The following PGR variants were observed in gnomAD, a reference collection of about 807,000 sequenced individuals.
PGR encodes the protein progesterone receptor, also known as nuclear receptor subfamily 3 group C member 3.
A neutral mutation model predicts 76.1 loss-of-function variants in PGR; 25 were observed. The ratio of observed to expected loss-of-function variants is 0.33; its 90% CI spans 0.24 to 0.46. The LOEUF is 0.46. Among genes scored for constraint, PGR ranks in the 20% least tolerant of loss-of-function variants. PGR has a pLI of 1.00. For missense variants in PGR, 1,172 were observed against 1,225.3 expected (o/e 0.96, Z 0.65); for synonymous variants, 579 against 535.0 (o/e 1.08, Z -1.14).
intron 2 of PGR, among the ~76,000 whole-genome samples, chr11:101,119,504 T>C (rs906405693): frequency 6.6e-6 from 1 of 152,170 alleles, no homozygotes; most frequent in African/African-American, 2.4e-5. Flanking sequence ...TCACAAATGG[T>C]CATCTCGTCT....
At position 101,036,606 on chromosome 11, in the gene PGR, T is replaced by A. The variant is rs1859524218; in HGVS notation, c.*2510A>T. 1 of 196,512 alleles carries A rather than the reference T, an allele frequency of 5.1e-6. No homozygotes were observed. The highest frequency in any genetic ancestry group is 1.1e-5 in the Non-Finnish European group (1 of 94,768). The allele number at this position is 196,512 out of a possible 1,614,324, so 12.2% of individuals were successfully genotyped here. A position where few individuals can be genotyped will look rare whatever the true frequency, so the allele number is the denominator to read the frequency against. ...AGAAAAAGATTTAGAAATTAGGTATTTTCCATTTGGTGAAGCCATATTCTT... is the reference window on the plus strand; with the variant it reads ...AGAAAAAGATTTAGAAATTAGGTATATTCCATTTGGTGAAGCCATATTCTT... On this transcript the variant is annotated 3_prime_UTR_variant, in exon 8 of 8. Coordinates refer to ENST00000325455, the MANE Select transcript of PGR (RefSeq NM_000926.4).
rs532862472 is a variant in PGR at position 101,110,707 on chromosome 11, CA to C, written c.1789+15299del. Among the ~76,000 whole-genome samples the C allele has an allele frequency of 2.4e-3, 371 of 152,264 alleles. 3 individuals are homozygous for C. Among genetic ancestry groups the C allele is most frequent in the African/African-American group, 8.6e-3 (358 of 41,554 alleles). On this transcript the variant is annotated intron_variant, in intron 2 of 7. Coordinates refer to ENST00000325455, the MANE Select transcript of PGR (RefSeq NM_000926.4). ...TTTTGAGAAAAGTGACTCCAATTTT[CA>C]AAGAAGCTCTACTGTGGGTAAAACA...
chr11:101,043,083 T>C (rs1277282479), intron 6 of PGR, among the ~76,000 whole-genome samples: 1 of 152,170 alleles, frequency 6.6e-6, no homozygotes. Context: ...GTGAATAATT[T>C]TTCTGTAGCA....
At chr11:101,122,223 G>C (rs1450667850) in intron 2 of PGR, among the ~76,000 whole-genome samples, 3 of 151,026 alleles carry the variant, frequency 2.0e-5, no homozygotes, top group Admixed American at 2.0e-4. Flanking sequence ...ACTTAGCTTA[G>C]TGTCTTCTAA....
chr11:101,121,104 G>T (rs961175484), intron 2 of PGR, among the ~76,000 whole-genome samples: 8 of 152,284 alleles, frequency 5.3e-5, no homozygotes, highest in Middle Eastern at 3.4e-3. Context: ...ATAGTAAACT[G>T]AGAGACCTCA....
intron 2 of PGR, among the ~76,000 whole-genome samples, chr11:101,104,282 T>C (rs1023659782): frequency 2.0e-5 from 3 of 152,236 alleles, no homozygotes; most frequent in African/African-American, 4.8e-5. Flanking sequence ...TCGTATCTGT[T>C]GTCCAACAGC....
rs574096486 is a variant in PGR at position 101,092,432 on chromosome 11, A to C, written c.1790-556T>G. Reference sequence around the variant, plus strand: ...TAAAAAAGATCACTTATTGTACTGAATTTAATACCTGCCTTATTTTGACTA... The same window carrying C: ...TAAAAAAGATCACTTATTGTACTGACTTTAATACCTGCCTTATTTTGACTA... On this transcript the variant is annotated intron_variant, in intron 2 of 7. Coordinates refer to ENST00000325455, the MANE Select transcript of PGR (RefSeq NM_000926.4). Among the ~76,000 whole-genome samples the C allele has an allele frequency of 6.6e-5, 10 of 152,348 alleles. No individual in the cohort carries two copies. In the East Asian group the frequency reaches 1.7e-3, roughly 26 times the overall value.
At chr11:101,111,068 A>T (rs889963268) in intron 2 of PGR, among the ~76,000 whole-genome samples, 2 of 152,226 alleles carry the variant, frequency 1.3e-5, no homozygotes, top group Non-Finnish European at 2.9e-5. Flanking sequence ...GAAAGCAAAA[A>T]ATTTGTGTGA....
Position 101,035,551 on chromosome 11 carries a change from G to A in PGR, c.*3565C>T, listed in dbSNP as rs1859481567. 4.3e-6 allele frequency: 1 copy of A among 231,974 alleles called. No homozygotes were observed. Among genetic ancestry groups the A allele is most frequent in the South Asian group, 1.8e-4 (1 of 5,522 alleles). The allele number at this position is 231,974 out of a possible 1,614,324, so 14.4% of individuals were successfully genotyped here. On this transcript the variant is annotated 3_prime_UTR_variant, in exon 8 of 8. Transcript: ENST00000325455. ...TCTAAACCCATTGTTCCCTTTTGTG[G>A]AATTGCTGCCATAGTAAAAATAATT...
At chr11:101,047,255 T>C (rs941075856) in intron 6 of PGR, among the ~76,000 whole-genome samples, 1 of 152,180 alleles carries the variant, frequency 6.6e-6, no homozygotes, top group Non-Finnish European at 1.5e-5. Flanking sequence ...CAGCATAATG[T>C]TGCCTATCCA....
rs114574675 is a variant in PGR, at chr11:101,117,614, A to T, written c.1789+8393T>A. Among the ~76,000 whole-genome samples, 697 of 152,198 alleles carry T rather than the reference A, an allele frequency of 4.6e-3. 2 individuals carry two copies. The highest frequency in any genetic ancestry group is 0.016 in the African/African-American group (681 of 41,554). On this transcript the variant is annotated intron_variant, in intron 2 of 7. Coordinates refer to ENST00000325455, the MANE Select transcript of PGR (RefSeq NM_000926.4). ...ATACTTTTAGGTTTCTTTTCTTCAA[A>T]TAAAAAAAAAATTAAGTTGTTGACC...
rs1859546486 is a variant in PGR, at chr11:101,037,367, C to T, written c.*1749G>A. On this transcript the variant is annotated 3_prime_UTR_variant, in exon 8 of 8. Transcript: ENST00000325455. ...CTGAGTTATATGTCTTTCTTCAGCT[C>T]CAAATTCTCATAAGGCTTATTAGCA... 1 of 216,834 alleles carries T rather than the reference C, an allele frequency of 4.6e-6. No homozygotes were observed. The highest frequency in any genetic ancestry group is 9.3e-6 in the Non-Finnish European group (1 of 107,754). The allele number at this position is 216,834 out of a possible 1,614,324, so 13.4% of individuals were successfully genotyped here.
At chr11:101,125,447 C>T (rs1012132098) in intron 2 of PGR, among the ~76,000 whole-genome samples, 1 of 152,054 alleles carries the variant, frequency 6.6e-6, no homozygotes, top group South Asian at 2.1e-4. Flanking sequence ...CAAAAATATA[C>T]TGAACAAAAA....
chr11:101,037,580 T>C lies in PGR; in HGVS notation c.*1536A>G, dbSNP rs547576333. The stretch of plus-strand genomic sequence containing the variant: ...ATTCCATTCATTCAGTTTAAAAACT[T>C]AGAACAAGGAATCTAAAGTATTGTC... On this transcript the variant is annotated 3_prime_UTR_variant, in exon 8 of 8. Coordinates refer to ENST00000325455, the MANE Select transcript of PGR (RefSeq NM_000926.4). 14 of 228,244 alleles carry C rather than the reference T, an allele frequency of 6.1e-5. No individual in the cohort carries two copies. The highest frequency in any genetic ancestry group is 2.3e-4 in the Admixed American group (4 of 17,586). 14.1% of individuals were successfully genotyped at this position (228,244 alleles called of 1,614,324 possible).
chr11:101,092,976 T>C (rs1861718810), intron 2 of PGR, among the ~76,000 whole-genome samples: 1 of 152,054 alleles, frequency 6.6e-6, no homozygotes, highest in Admixed American at 6.6e-5. Flanking sequence ...ACCTAAAACA[T>C]GTACTTAATC....
chr11:101,127,813 C>A lies in PGR; in HGVS notation c.1258G>T (p.Gly420Trp), dbSNP rs775749546. The change falls in exon 1 of 8, where the codon GGG (glycine) becomes TGG (tryptophan). Residue 420 changes from glycine to tryptophan, a missense_variant. By Grantham distance (184) the Gly-to-Trp change is radical. Coordinates refer to ENST00000325455, the MANE Select transcript of PGR (RefSeq NM_000926.4). ...CGCGGCGGCAGCGGGGGCGGTGGCC[C>A]CAACGGGAAATCCGGGAAGGCTGCG... is the stretch of plus-strand genomic sequence containing the variant. ...NPAAFPDFPL[G>W]PPPPLPPRAT... is the part of the protein sequence containing the mutation. 13 of 1,572,306 alleles carry A rather than the reference C, an allele frequency of 8.3e-6. No homozygotes were observed. The East Asian group carries it at 2.8e-4, about 33-fold the overall frequency.
chr11:101,083,892 T>G (rs1190934197), intron 3 of PGR, among the ~76,000 whole-genome samples: 1 of 152,110 alleles, frequency 6.6e-6, no homozygotes, highest in African/African-American at 2.4e-5. Context: ...GTTAAGACTT[T>G]GGGGGACTGT....
rs952317261 is a variant in PGR, at chr11:101,033,622, A to G, written c.*5494T>C. On this transcript the variant is annotated 3_prime_UTR_variant, in exon 8 of 8. Coordinates refer to ENST00000325455, the MANE Select transcript of PGR (RefSeq NM_000926.4). ...GTCTTTGAATAACAAAACATTAAGAAAACACAATAACTATTTCTTAATAGA... is the reference window on the plus strand; with the variant it reads ...GTCTTTGAATAACAAAACATTAAGAGAACACAATAACTATTTCTTAATAGA... 5 of 199,324 alleles carry G rather than the reference A, an allele frequency of 2.5e-5. No homozygotes were observed. The highest frequency in any genetic ancestry group is 6.0e-5 in the Admixed American group (1 of 16,626). The allele number at this position is 199,324 out of a possible 1,614,324, so 12.3% of individuals were successfully genotyped here.
In PGR at chr11:101,034,115, C is replaced by T. The variant is rs879861928; in HGVS notation, c.*5001G>A. On this transcript the variant is annotated 3_prime_UTR_variant, in exon 8 of 8. Coordinates refer to ENST00000325455, the MANE Select transcript of PGR (RefSeq NM_000926.4). ...CCTGATTCACATTTCTCTAAAAATGCTTTATCGGTTAAAGCTTTCAACCAG... is the reference window on the plus strand; with the variant it reads ...CCTGATTCACATTTCTCTAAAAATGTTTTATCGGTTAAAGCTTTCAACCAG... 8 of 230,442 alleles carry T rather than the reference C, an allele frequency of 3.5e-5. No individual in the cohort carries two copies. The highest frequency in any genetic ancestry group is 1.3e-3 in the Middle Eastern group (1 of 788). 14.3% of individuals were successfully genotyped at this position (230,442 alleles called of 1,614,324 possible). A position where few individuals can be genotyped will look rare whatever the true frequency, so the allele number is the denominator to read the frequency against.
Sources: allele counts gnomAD v4.1 joint callset (sites outside exome capture counted in the v4.1 genomes callset), GRCh38; gene constraint gnomAD v4.1.1; transcripts MANE v1.5; gene names NCBI Gene and HGNC (gene_info 2026-07-23, HGNC 2026-07-21).